Variants in PACRG observed in about 807,000 individuals in gnomAD.
The protein encoded by PACRG is parkin coregulated gene protein.
Under a neutral mutation model 29.7 loss-of-function variants are expected in PACRG, and 29 were observed. The ratio of observed to expected loss-of-function variants is 0.98; its 90% CI spans 0.73 to 1.33. The LOEUF is 1.33. Ranked by LOEUF, PACRG falls within the 40% of genes most tolerant of loss-of-function variation. The pLI is 0.00. For missense variants in PACRG, 279 were observed against 316.2 expected, an observed-to-expected ratio of 0.88 and a Z score of 0.89; for synonymous variants, 116 against 118.7, an observed-to-expected ratio of 0.98 and a Z score of 0.15.
chr6:162,869,255 A>G lies in PACRG; in HGVS notation c.291+54974A>G, dbSNP rs113504620. Among the ~76,000 whole-genome samples, 320 of 152,296 alleles carry G rather than the reference A, an allele frequency of 2.1e-3. 1 individual carries two copies. The highest frequency in any genetic ancestry group is 2.8e-3 in the Non-Finnish European group (189 of 68,024). On this transcript the variant is annotated intron_variant, in intron 2 of 4. Transcript: ENST00000366888. Reference sequence around the variant, plus strand: ...GTTCCTTGATACTTTGATTCCATCTATGTAACATAGCCTGAAAGTCTTAGC... The same window carrying G: ...GTTCCTTGATACTTTGATTCCATCTGTGTAACATAGCCTGAAAGTCTTAGC...
At chr6:163,142,355 A>G (rs1489361416) in intron 4 of PACRG, among the ~76,000 whole-genome samples, 1 of 152,216 alleles carries the variant, frequency 6.6e-6, no homozygotes, top group African/African-American at 2.4e-5. Flanking sequence ...ACTCATTCAT[A>G]AATCAATGCA....
At chr6:163,070,220 G>A (rs1261681360) in intron 3 of PACRG, among the ~76,000 whole-genome samples, 2 of 152,010 alleles carry the variant, frequency 1.3e-5, no homozygotes, top group African/African-American at 4.8e-5. Context: ...GTCATCTGAA[G>A]GAACAGAACT....
At chr6:162,947,566 AT>A (rs1799233851) in intron 2 of PACRG, among the ~76,000 whole-genome samples, 1 of 93,074 alleles carries the variant, frequency 1.1e-5, no homozygotes, top group Non-Finnish European at 2.1e-5. Flanking sequence ...AATCATATAT[AT>A]ATACTCATAT....
intron 4 of PACRG, among the ~76,000 whole-genome samples, chr6:163,305,232 T>C (rs1036535315): frequency 5.3e-5 from 8 of 152,228 alleles, no homozygotes; most frequent in Admixed American, 5.2e-4. Context: ...CCAGAGACTC[T>C]CCTACTCTTC....
chr6:162,728,426 T>A (rs770047517), intron 1 of PACRG, 35 bp downstream of exon 1: 32 of 1,600,128 alleles, frequency 2.0e-5, no homozygotes, highest in Non-Finnish European at 2.6e-5. Context: ...GCACTCGCTC[T>A]GAATCAGGGG....
At chr6:162,972,186 A>G (rs990151808) in intron 2 of PACRG, among the ~76,000 whole-genome samples, 3 of 152,158 alleles carry the variant, frequency 2.0e-5, no homozygotes, top group Non-Finnish European at 4.4e-5. Flanking sequence ...CTATAAGACA[A>G]AGAGATCGGC....
At chr6:162,976,785 G>A (rs1053558111) in intron 2 of PACRG, among the ~76,000 whole-genome samples, 3 of 151,868 alleles carry the variant, frequency 2.0e-5, no homozygotes. Context: ...TTGAAAAGAA[G>A]AAAAATTATT....
chr6:163,301,765 G>A (rs771180720), intron 4 of PACRG, among the ~76,000 whole-genome samples: 8 of 152,164 alleles, frequency 5.3e-5, no homozygotes, highest in Non-Finnish European at 1.2e-4. Context: ...AATAGCAGCT[G>A]CAGTAATAAT....
chr6:163,009,954 G>A (rs1019413621), intron 2 of PACRG, among the ~76,000 whole-genome samples: 1 of 152,176 alleles, frequency 6.6e-6, no homozygotes, highest in African/African-American at 2.4e-5. Flanking sequence ...ATCTGGTCCT[G>A]TGTAGGCAGA....
intron 4 of PACRG, among the ~76,000 whole-genome samples, chr6:163,137,691 T>C (rs772482582): frequency 1.1e-4 from 17 of 151,476 alleles, no homozygotes; most frequent in Non-Finnish European, 2.1e-4. Flanking sequence ...CTAAAGTGCT[T>C]ACTGGTACCA....
chr6:162,997,554 A>G, intron 2 of PACRG: 1 of 396,272 alleles, frequency 2.5e-6, no homozygotes, highest in South Asian at 1.9e-5. Flanking sequence ...GGTGGGCCCA[A>G]GGATTCATAA....
rs1784180020 is a variant in PACRG, at chr6:163,280,120, A to G, written c.614-34707A>G. Among the ~76,000 whole-genome samples the G allele has an allele frequency of 2.0e-5, 3 of 152,184 alleles. No individual in the cohort carries two copies. In the South Asian group the frequency reaches 6.2e-4, roughly 32 times the overall value. On this transcript the variant is annotated intron_variant, in intron 4 of 4. Transcript: ENST00000366888. ...CGTCTCTGCTCCACTTCCACTCTGC[A>G]TGGCCTCTGCTCAGTCTCCTTTCCA...
At chr6:163,232,892 C>T (rs1782101295) in intron 4 of PACRG, among the ~76,000 whole-genome samples, 2 of 152,118 alleles carry the variant, frequency 1.3e-5, no homozygotes, top group South Asian at 4.1e-4. Flanking sequence ...CCAGGAGCCT[C>T]CACCCCCGAA....
At chr6:163,064,834 A>G (rs544800482) in intron 3 of PACRG, among the ~76,000 whole-genome samples, 1 of 133,014 alleles carries the variant, frequency 7.5e-6, no homozygotes, top group Admixed American at 7.8e-5. Context: ...CAAGCAGACT[A>G]GAAGTTTTTT....
chr6:162,872,424 T>A (rs1792903640), intron 2 of PACRG, among the ~76,000 whole-genome samples: 1 of 152,234 alleles, frequency 6.6e-6, no homozygotes, highest in Non-Finnish European at 1.5e-5. Context: ...CCAACAAAAA[T>A]TAATGATGTT....
chr6:163,178,208 G>T (rs1324303303), intron 4 of PACRG, among the ~76,000 whole-genome samples: 1 of 152,172 alleles, frequency 6.6e-6, no homozygotes, highest in South Asian at 2.1e-4. Context: ...CAGGGTCTGG[G>T]AATGCTCATT....
chr6:162,742,111 T>C (rs1780647882), intron 1 of PACRG, among the ~76,000 whole-genome samples: 1 of 152,124 alleles, frequency 6.6e-6, no homozygotes, highest in African/African-American at 2.4e-5. Context: ...CTTCTGTGAG[T>C]CTGGCTTTTC....
intron 2 of PACRG, among the ~76,000 whole-genome samples, chr6:163,012,972 G>A (rs1805753432): frequency 6.6e-6 from 1 of 152,080 alleles, no homozygotes; most frequent in African/African-American, 2.4e-5. Flanking sequence ...TTGAAATGAG[G>A]TTAACCCAAA....
chr6:162,959,063 G>A (rs1471402558), intron 2 of PACRG, among the ~76,000 whole-genome samples: 3 of 148,364 alleles, frequency 2.0e-5, no homozygotes, highest in Admixed American at 6.7e-5. Flanking sequence ...ACAGGTGCAC[G>A]ACACCATGCC....
Sources: allele counts gnomAD v4.1 joint callset (sites outside exome capture counted in the v4.1 genomes callset), GRCh38; gene constraint gnomAD v4.1.1; transcripts MANE v1.5; gene names NCBI Gene and HGNC (gene_info 2026-07-23, HGNC 2026-07-21).